The following WWOX variants were observed in gnomAD, a reference collection of about 807,000 sequenced individuals.
WWOX encodes WW domain-containing oxidoreductase.
WWOX carries 69 observed loss-of-function variants against 46.2 expected under a neutral mutation model. That is an observed-to-expected ratio of 1.49 (90% CI 1.23 to 1.82). The LOEUF is 1.82. Ranked by LOEUF, WWOX falls within the 40% of genes most tolerant of loss-of-function variation. The pLI, the probability that WWOX is intolerant of heterozygous loss-of-function variation, is 0.00. For missense variants in WWOX, 919 were observed against 542.6 expected (o/e 1.69, Z -6.89); for synonymous variants, 359 against 202.6 (o/e 1.77, Z -6.56).
At chr16:79,174,149 A>T (rs1197358676) in intron 8 of WWOX, among the ~76,000 whole-genome samples, 1 of 152,180 alleles carries the variant, frequency 6.6e-6, no homozygotes, top group Admixed American at 6.5e-5. Context: ...CAGGTTAGTG[A>T]CGATACCGGG....
chr16:78,963,883 A>G (rs1002445475), intron 8 of WWOX, among the ~76,000 whole-genome samples: 4 of 152,158 alleles, frequency 2.6e-5, no homozygotes, highest in Non-Finnish European at 4.4e-5. Context: ...TAATTGAATC[A>G]TGGGGGCTGG....
chr16:78,418,844 A>T (rs1377287472), intron 6 of WWOX, among the ~76,000 whole-genome samples: 1 of 152,188 alleles, frequency 6.6e-6, no homozygotes, highest in African/African-American at 2.4e-5. Context: ...ATCATAATTA[A>T]TGCTGAAAGA....
chr16:78,249,105 G>A (rs1204751156), intron 5 of WWOX, among the ~76,000 whole-genome samples: 2 of 151,926 alleles, frequency 1.3e-5, no homozygotes, highest in African/African-American at 4.8e-5. Context: ...CTCCCACCTC[G>A]ACCTCCCAAA....
chr16:78,114,854 A>C, intron 3 of WWOX, 122 bp from the exon 4 acceptor site: 1 of 1,247,562 alleles, frequency 8.0e-7, no homozygotes, highest in Non-Finnish European at 1.1e-6. Flanking sequence ...CAGTTCTTTC[A>C]GGTTTAAGGA....
chr16:78,600,949 G>T (rs773038100), intron 8 of WWOX, among the ~76,000 whole-genome samples: 10 of 152,146 alleles, frequency 6.6e-5, no homozygotes, highest in Admixed American at 1.3e-4. Context: ...GGAGGTACCT[G>T]GGCAAGAGAC....
chr16:78,929,639 G>C (rs543968775), intron 8 of WWOX, among the ~76,000 whole-genome samples: 1 of 152,266 alleles, frequency 6.6e-6, no homozygotes, highest in Admixed American at 6.5e-5. Context: ...TCTATTTCTG[G>C]GGTTGGGATG....
In WWOX at chr16:79,162,437, C is replaced by T. The variant is rs78260184; in HGVS notation, c.1057-49171C>T. Among the ~76,000 whole-genome samples the T allele has an allele frequency of 6.0e-3, 914 of 152,232 alleles. 10 individuals are homozygous for T. Among genetic ancestry groups the T allele is most frequent in the Non-Finnish European group, 8.8e-3 (599 of 68,020 alleles). On this transcript the variant is annotated intron_variant, in intron 8 of 8. Transcript: ENST00000566780. The stretch of plus-strand genomic sequence containing the variant: ...CAAGTTAGGGGCTTCTTCTGGATTC[C>T]GTAGGTAGGATGCTGACTCTCAGCT...
rs555078049 is a variant in WWOX at position 78,602,449 on chromosome 16, A to T, written c.1056+169697A>T. Among the ~76,000 whole-genome samples, 6 of 152,136 alleles carry T rather than the reference A, an allele frequency of 3.9e-5. No individual in the cohort carries two copies. The South Asian group carries it at 6.2e-4, about 16-fold the overall frequency. On this transcript the variant is annotated intron_variant, in intron 8 of 8. Transcript: ENST00000566780. ...GGGTTTCACTATATTGGCCAGGCTG[A>T]TCTCGAACTCCTGCCCTTGTGATCC...
chr16:78,441,045 C>A (rs940960072), intron 8 of WWOX, among the ~76,000 whole-genome samples: 1 of 152,124 alleles, frequency 6.6e-6, no homozygotes, highest in Non-Finnish European at 1.5e-5. Context: ...CAGGTTCAAG[C>A]GATTCTCCTG....
intron 8 of WWOX, among the ~76,000 whole-genome samples, chr16:79,001,089 C>T (rs1218885279): frequency 6.6e-6 from 1 of 152,160 alleles, no homozygotes; most frequent in African/African-American, 2.4e-5. Context: ...GAAAGAAGGG[C>T]AAGGTACTAT....
chr16:78,370,720 C>A (rs1305383035), intron 5 of WWOX, among the ~76,000 whole-genome samples: 5 of 151,188 alleles, frequency 3.3e-5, no homozygotes, highest in African/African-American at 1.2e-4. Flanking sequence ...CTGGTCTTCA[C>A]CATCTGCCAA....
chr16:78,418,840 A>G (rs1295579271), intron 6 of WWOX, among the ~76,000 whole-genome samples: 2 of 152,192 alleles, frequency 1.3e-5, no homozygotes, highest in Non-Finnish European at 2.9e-5. Context: ...TGACATCATA[A>G]TTAATGCTGA....
chr16:78,366,814 G>C (rs150924468), intron 5 of WWOX, among the ~76,000 whole-genome samples: 181 of 152,190 alleles, frequency 1.2e-3, no homozygotes, highest in African/African-American at 4.0e-3. Flanking sequence ...AAAATGAGCA[G>C]GTGGTTGGAT....
At chr16:78,961,764 T>C (rs766863068) in intron 8 of WWOX, among the ~76,000 whole-genome samples, 1 of 152,188 alleles carries the variant, frequency 6.6e-6, no homozygotes, top group Non-Finnish European at 1.5e-5. Context: ...GGGAACTTTA[T>C]CTTTTAAACA....
At chr16:78,379,691 A>G (rs1452195318) in intron 5 of WWOX, among the ~76,000 whole-genome samples, 1 of 152,210 alleles carries the variant, frequency 6.6e-6, no homozygotes, top group Non-Finnish European at 1.5e-5. Context: ...TGGGTTCACT[A>G]TGGCGAGAAA....
At chr16:78,147,560 G>A (rs929540508) in intron 4 of WWOX, among the ~76,000 whole-genome samples, 1 of 151,930 alleles carries the variant, frequency 6.6e-6, no homozygotes, top group African/African-American at 2.4e-5. Context: ...GCACTTCCAC[G>A]TGACTTTGGT....
intron 5 of WWOX, among the ~76,000 whole-genome samples, chr16:78,325,000 G>GC (rs1771065577): frequency 6.6e-6 from 1 of 152,126 alleles, no homozygotes; most frequent in Non-Finnish European, 1.5e-5. Context: ...ACCACTCAGG[G>GC]CCCGAGCTGC....
intron 8 of WWOX, among the ~76,000 whole-genome samples, chr16:78,740,222 G>A (rs1267873973): frequency 6.6e-6 from 1 of 152,190 alleles, no homozygotes; most frequent in Non-Finnish European, 1.5e-5. Context: ...ATGGGACTCA[G>A]GAAGGCTGGA....
chr16:79,083,595 C>T (rs935555315), intron 8 of WWOX, among the ~76,000 whole-genome samples: 2 of 152,178 alleles, frequency 1.3e-5, no homozygotes, highest in African/African-American at 2.4e-5. Context: ...CTGCAACATC[C>T]TTCCAAAATG....
Sources: gnomAD v4.1 joint callset for allele counts (sites outside exome capture counted in the v4.1 genomes callset) on GRCh38, gnomAD v4.1.1 for gene constraint, MANE v1.5 for transcripts, NCBI Gene and HGNC (gene_info 2026-07-23, HGNC 2026-07-21) for gene names.